The following CDK19 variants were observed in gnomAD, a reference collection of about 807,000 sequenced individuals.
CDK19 encodes the protein cyclin-dependent kinase 19.
A neutral mutation model predicts 68.3 loss-of-function variants in CDK19; 20 were observed. The observed-to-expected ratio is 0.29, with a 90% CI of 0.21 to 0.43. The LOEUF (loss-of-function observed/expected upper bound fraction) is 0.43. Ranked by LOEUF, CDK19 falls within the 20% of genes least tolerant of loss-of-function variation. CDK19 has a pLI of 1.00. For synonymous variants in CDK19, 221 were observed against 222.8 expected (o/e 0.99, Z 0.07); for missense variants, 339 against 623.5 (o/e 0.54, Z 4.86).
rs57995761 is a variant in CDK19 at position 110,739,796 on chromosome 6, A to AATTATTATT, written c.204+6321_204+6329dup. 4.7e-5 allele frequency among the ~76,000 whole-genome samples: 7 copies of AATTATTATT among 147,408 alleles called. No homozygotes were observed. In the East Asian group the frequency reaches 6.0e-4, roughly 13 times the overall value. On this transcript the variant is annotated intron_variant, in intron 2 of 12. Coordinates refer to ENST00000368911, the MANE Select transcript of CDK19 (RefSeq NM_015076.5). The stretch of plus-strand genomic sequence containing the variant: ...CAGGTGAGTGCCACTATGCCCAGCT[A>AATTATTATT]ATTATTATTATTATTATTATTATTA...
At chr6:110,672,159 C>A (rs1343901671) in intron 2 of CDK19, among the ~76,000 whole-genome samples, 1 of 152,124 alleles carries the variant, frequency 6.6e-6, no homozygotes, top group African/African-American at 2.4e-5. Flanking sequence ...AGAGACTTCA[C>A]CCCAGGCACA....
chr6:110,683,421 T>C (rs1225805173), intron 2 of CDK19, among the ~76,000 whole-genome samples: 1 of 152,084 alleles, frequency 6.6e-6, no homozygotes, highest in Non-Finnish European at 1.5e-5. Flanking sequence ...CAGAGATACT[T>C]AGAGAGTGAG....
chr6:110,648,110 A>C (rs1202634242), intron 4 of CDK19, among the ~76,000 whole-genome samples: 3 of 152,210 alleles, frequency 2.0e-5, no homozygotes, highest in Non-Finnish European at 4.4e-5. Context: ...CTAAAAACTA[A>C]GAAGGAAACA....
At position 110,682,570 on chromosome 6, in the gene CDK19, C is replaced by A. The variant is rs1157900959; in HGVS notation, c.205-12029G>T. 2.6e-5 allele frequency among the ~76,000 whole-genome samples: 4 copies of A among 152,272 alleles called. No individual in the cohort carries two copies. In the South Asian group the frequency reaches 8.3e-4, roughly 32 times the overall value. On this transcript the variant is annotated intron_variant, in intron 2 of 12. Coordinates refer to ENST00000368911, the MANE Select transcript of CDK19 (RefSeq NM_015076.5). Reference sequence around the variant, plus strand: ...AAGGGGTCTGTACAGACTAACACAGCTCTGGTTCAAGGTGGCCCTAAATCT... The same window carrying A: ...AAGGGGTCTGTACAGACTAACACAGATCTGGTTCAAGGTGGCCCTAAATCT...
intron 1 of CDK19, among the ~76,000 whole-genome samples, chr6:110,788,748 C>T (rs1562289808): frequency 6.6e-6 from 1 of 151,358 alleles, no homozygotes; most frequent in African/African-American, 2.4e-5. Context: ...ATTTCTTTTT[C>T]TTTTTTTTTA....
At chr6:110,642,178 G>A (rs1780236652) in intron 4 of CDK19, among the ~76,000 whole-genome samples, 1 of 152,170 alleles carries the variant, frequency 6.6e-6, no homozygotes, top group Admixed American at 6.5e-5. Context: ...GTGTGCACCT[G>A]TAATCTCAGC....
In CDK19 at chr6:110,745,813, A is replaced by T. The variant is rs184162455; in HGVS notation, c.204+313T>A. Among the ~76,000 whole-genome samples, 838 of 152,194 alleles carry T rather than the reference A, an allele frequency of 5.5e-3. 6 individuals carry two copies. The highest frequency in any genetic ancestry group is 0.024 in the Middle Eastern group (7 of 294). ...GAGACCTCTTCTCTACAAAAAAATT[A>T]AAAAATTAGCCAGGTGTGGTGGCAC... On this transcript the variant is annotated intron_variant, in intron 2 of 12. Coordinates refer to ENST00000368911, the MANE Select transcript of CDK19 (RefSeq NM_015076.5).
chr6:110,686,164 C>A (rs909000421), intron 2 of CDK19, among the ~76,000 whole-genome samples: 2 of 152,006 alleles, frequency 1.3e-5, no homozygotes, highest in Non-Finnish European at 2.9e-5. Flanking sequence ...GACTTTACAG[C>A]CTAAAAGGAA....
chr6:110,686,511 TC>T (rs1233905317), intron 2 of CDK19, among the ~76,000 whole-genome samples: 1 of 152,196 alleles, frequency 6.6e-6, no homozygotes, highest in Non-Finnish European at 1.5e-5. Context: ...ATAGGGTGTA[TC>T]TCTTATCTTT....
At chr6:110,675,094 A>G (rs1358666287) in intron 2 of CDK19, among the ~76,000 whole-genome samples, 1 of 152,174 alleles carries the variant, frequency 6.6e-6, no homozygotes, top group Non-Finnish European at 1.5e-5. Flanking sequence ...TATCCAAAAG[A>G]TCTAGCTAAG....
At position 110,641,607 on chromosome 6, in the gene CDK19, A is replaced by AAG. The variant is rs1554195975; in HGVS notation, c.457-2902_457-2901insCT. On this transcript the variant is annotated intron_variant, in intron 4 of 12. Transcript: ENST00000368911. ...GAGACTCCATCAAAAAAAAAAAAAA[A>AAG]AAAGAAAAAGAAAGGAGAGGAAAGG... Among the ~76,000 whole-genome samples, 6 of 142,534 alleles carry AAG rather than the reference A, an allele frequency of 4.2e-5. No individual in the cohort carries two copies. The East Asian group carries it at 1.1e-3, about 26-fold the overall frequency. The allele number at this position is 142,534 out of a possible 152,430, so 93.5% of individuals were successfully genotyped here.
intron 1 of CDK19, among the ~76,000 whole-genome samples, chr6:110,795,399 A>C (rs920159861): frequency 6.6e-6 from 1 of 152,202 alleles, no homozygotes; most frequent in Non-Finnish European, 1.5e-5. Flanking sequence ...AGAGATGTAA[A>C]TTGTAAGACT....
intron 1 of CDK19, among the ~76,000 whole-genome samples, chr6:110,753,186 T>C (rs540331140): frequency 6.6e-6 from 1 of 152,290 alleles, no homozygotes; most frequent in Admixed American, 6.5e-5. Flanking sequence ...CACCTTGGCC[T>C]CTCAAAGTGC....
intron 2 of CDK19, among the ~76,000 whole-genome samples, chr6:110,736,132 G>A (rs1279180228): frequency 6.6e-6 from 1 of 152,180 alleles, no homozygotes; most frequent in Non-Finnish European, 1.5e-5. Context: ...ACCTGAAGTT[G>A]GGAGTTCGAG....
chr6:110,793,043 T>C (rs1781705763), intron 1 of CDK19, among the ~76,000 whole-genome samples: 1 of 152,204 alleles, frequency 6.6e-6, no homozygotes, highest in South Asian at 2.1e-4. Flanking sequence ...ATTTATTAGC[T>C]GAGATTTGAA....
chr6:110,636,053 A>G (rs1779758493), intron 5 of CDK19, among the ~76,000 whole-genome samples: 1 of 152,246 alleles, frequency 6.6e-6, no homozygotes, highest in South Asian at 2.1e-4. Flanking sequence ...TTACAATCTT[A>G]AAACTCTTAA....
chr6:110,784,481 TAC>T (rs1408834874), intron 1 of CDK19, among the ~76,000 whole-genome samples: 1 of 152,064 alleles, frequency 6.6e-6, no homozygotes, highest in Non-Finnish European at 1.5e-5. Flanking sequence ...AGATAGACAA[TAC>T]CATATGCTGA....
intron 2 of CDK19, among the ~76,000 whole-genome samples, chr6:110,706,040 C>T (rs1774439562): frequency 1.3e-5 from 2 of 151,892 alleles, no homozygotes; most frequent in South Asian, 4.2e-4. Flanking sequence ...GGACCTTAAC[C>T]TGTTTTGTTT....
chr6:110,701,666 T>C (rs1774022077), intron 2 of CDK19, among the ~76,000 whole-genome samples: 1 of 152,070 alleles, frequency 6.6e-6, no homozygotes, highest in African/African-American at 2.4e-5. Flanking sequence ...TCTAACAATA[T>C]GACTATCTCA....
Sources: gnomAD v4.1 joint callset for allele counts (sites outside exome capture counted in the v4.1 genomes callset) on GRCh38, gnomAD v4.1.1 for gene constraint, MANE v1.5 for transcripts, NCBI Gene and HGNC (gene_info 2026-07-23, HGNC 2026-07-21) for gene names.